CWC22: variants seen among roughly 807,000 people sequenced by gnomAD.
CWC22 encodes the protein CWC22 spliceosome associated protein.
A neutral mutation model predicts 117.2 loss-of-function variants in CWC22; 53 were observed. The ratio of observed to expected loss-of-function variants is 0.45; its 90% CI spans 0.36 to 0.57. The LOEUF (loss-of-function observed/expected upper bound fraction) is 0.57, where lower values mean the gene tolerates loss of function less well. Ranked by LOEUF, CWC22 falls within the 20% of genes least tolerant of loss-of-function variation. CWC22 has a pLI of 0.00. For missense variants in CWC22, 980 were observed against 1,068.8 expected, an observed-to-expected ratio of 0.92 and a Z score of 1.16; for synonymous variants, 360 against 355.6, an observed-to-expected ratio of 1.01 and a Z score of -0.14.
chr2:180,006,166 G>A (rs818659), intron 1 of CWC22, among the ~76,000 whole-genome samples: 25,991 of 152,046 alleles, frequency 0.17, 2,277 homozygotes, highest in East Asian at 0.26. Flanking sequence ...CTGCTATTTC[G>A]AGTCTCTGCA....
Position 179,964,398 on chromosome 2 carries a change from T to C in CWC22, c.1397+149A>G. On this transcript the variant is annotated intron_variant, in intron 13 of 19. Coordinates refer to ENST00000410053, the MANE Select transcript of CWC22 (RefSeq NM_020943.3). ...GCAAAGAACCAACAGAAAGGTACTA[T>C]GAGCTTGGGCATGGGATGGGGGAGA... 9 of 486,714 alleles carry C rather than the reference T, an allele frequency of 1.8e-5. No homozygotes were observed. The South Asian group carries it at 2.1e-4, about 11-fold the overall frequency. 30.1% of individuals were successfully genotyped at this position (486,714 alleles called of 1,614,324 possible).
intron 6 of CWC22, among the ~76,000 whole-genome samples, chr2:179,976,865 G>C (rs576608533): frequency 1.3e-5 from 2 of 152,260 alleles, no homozygotes; most frequent in African/African-American, 4.8e-5. Context: ...ATTAAAAACA[G>C]AATTACCAGC....
intron 4 of CWC22, 137 bp downstream of exon 4, chr2:179,986,558 C>T: frequency 1.9e-6 from 1 of 528,728 alleles, no homozygotes; most frequent in Non-Finnish European, 3.3e-6. Context: ...TCATATAAAG[C>T]CCTTATTAGA....
intron 2 of CWC22, among the ~76,000 whole-genome samples, chr2:179,990,176 A>C (rs1416301765): frequency 6.6e-6 from 1 of 152,180 alleles, no homozygotes. Flanking sequence ...CTTTGCATTA[A>C]ATTCAACCAT....
At chr2:179,954,817 G>A (rs1356168645) in intron 15 of CWC22, 140 bp downstream of exon 15, 3 of 590,918 alleles carry the variant, frequency 5.1e-6, no homozygotes, top group Non-Finnish European at 9.0e-6. Flanking sequence ...TGAAGAGAGT[G>A]GGAAACCTGA....
intron 5 of CWC22, among the ~76,000 whole-genome samples, chr2:179,978,736 G>C (rs1007246945): frequency 2.6e-5 from 4 of 151,794 alleles, no homozygotes; most frequent in African/African-American, 9.7e-5. Context: ...CCAAATATAA[G>C]CCACAAAAAA....
At chr2:179,983,733 A>G (rs1296151396) in intron 4 of CWC22, among the ~76,000 whole-genome samples, 2 of 152,160 alleles carry the variant, frequency 1.3e-5, no homozygotes, top group African/African-American at 4.8e-5. Context: ...AAGAGTGAAC[A>G]GATGGGGGAA....
chr2:179,957,320 T>G (rs1171524491), intron 14 of CWC22, among the ~76,000 whole-genome samples: 1 of 152,188 alleles, frequency 6.6e-6, no homozygotes, highest in Non-Finnish European at 1.5e-5. Context: ...AAAAGATAAT[T>G]TTTTGTCAAA....
chr2:179,949,184 T>C lies in CWC22; in HGVS notation c.2140+1328A>G, dbSNP rs189243148. 1.6e-4 allele frequency among the ~76,000 whole-genome samples: 24 copies of C among 152,274 alleles called. No homozygotes were observed. The East Asian group carries it at 4.5e-3, about 28-fold the overall frequency. On this transcript the variant is annotated intron_variant, in intron 19 of 19. Coordinates refer to ENST00000410053, the MANE Select transcript of CWC22 (RefSeq NM_020943.3). ...CTACTTTCTCCCTGGGAGCATCTGC[T>C]GATTCAGGGATGCTACTGAGGGACA... is the stretch of plus-strand genomic sequence containing the variant.
intron 8 of CWC22, among the ~76,000 whole-genome samples, chr2:179,972,789 C>T (rs775066238): frequency 7.2e-5 from 11 of 151,910 alleles, no homozygotes; most frequent in Admixed American, 3.9e-4. Context: ...TGGTGGATCA[C>T]GAGTTCAGGA....
chr2:179,963,637 C>T (rs932942355), intron 13 of CWC22, among the ~76,000 whole-genome samples: 3 of 151,960 alleles, frequency 2.0e-5, no homozygotes, highest in East Asian at 3.9e-4. Context: ...CCACCGCGCC[C>T]GGCCATATTT....
chr2:179,979,199 T>C (rs1376185740), intron 5 of CWC22, among the ~76,000 whole-genome samples: 1 of 152,204 alleles, frequency 6.6e-6, no homozygotes, highest in Non-Finnish European at 1.5e-5. Flanking sequence ...TTACAAAGGA[T>C]ACTAATCATA....
chr2:179,992,795 A>G (rs1481142849), intron 2 of CWC22, among the ~76,000 whole-genome samples: 1 of 152,254 alleles, frequency 6.6e-6, no homozygotes, highest in South Asian at 2.1e-4. Context: ...CTAGAACTCA[A>G]TATGCATTTG....
At chr2:179,974,290 T>G (rs1423263766) in intron 6 of CWC22, among the ~76,000 whole-genome samples, 1 of 152,160 alleles carries the variant, frequency 6.6e-6, no homozygotes, top group African/African-American at 2.4e-5. Flanking sequence ...TAGAATAAAA[T>G]GAAGATGTGG....
intron 14 of CWC22, among the ~76,000 whole-genome samples, chr2:179,958,173 A>G (rs1171726630): frequency 1.3e-5 from 2 of 151,822 alleles, no homozygotes; most frequent in Non-Finnish European, 2.9e-5. Context: ...GCTATTAAAA[A>G]CACAAAAACT....
chr2:180,005,155 A>G (rs1348250109), intron 1 of CWC22, among the ~76,000 whole-genome samples: 1 of 152,210 alleles, frequency 6.6e-6, no homozygotes, highest in Non-Finnish European at 1.5e-5. Context: ...GATTCAGAAG[A>G]CATTTTTGGA....
chr2:179,969,119 G>T (rs1417470185), intron 11 of CWC22, among the ~76,000 whole-genome samples: 1 of 152,078 alleles, frequency 6.6e-6, no homozygotes, highest in Non-Finnish European at 1.5e-5. Flanking sequence ...CCAGGCATTG[G>T]CCAATTGCCT....
rs374743958 is a variant in CWC22 at position 179,978,180 on chromosome 2, C to T, written c.581+10G>A. On this transcript the variant is annotated intron_variant, in intron 6 of 19. Transcript: ENST00000410053. ...TTAGAAATACTACAAATAAAATAGC[C>T]AATACTTACCTTCCTCTAACTATAT... 4.0e-6 allele frequency: 6 copies of T among 1,510,156 alleles called. No homozygotes were observed. In the South Asian group the frequency reaches 5.6e-5, roughly 14 times the overall value. The allele number at this position is 1,510,156 out of a possible 1,614,324, so 93.5% of individuals were successfully genotyped here.
intron 17 of CWC22, among the ~76,000 whole-genome samples, chr2:179,951,214 C>T (rs1375592142): frequency 1.3e-5 from 2 of 151,748 alleles, no homozygotes; most frequent in African/African-American, 4.8e-5. Flanking sequence ...CACATATATA[C>T]ACGTGTGAAT....
Sources: allele counts gnomAD v4.1 joint callset (sites outside exome capture counted in the v4.1 genomes callset), GRCh38; gene constraint gnomAD v4.1.1; transcripts MANE v1.5; gene names NCBI Gene and HGNC (gene_info 2026-07-23, HGNC 2026-07-21).